The following MAPKAP1 variants were observed in gnomAD, a reference collection of about 807,000 sequenced individuals.
MAPKAP1 encodes the protein target of rapamycin complex 2 subunit MAPKAP1.
A neutral mutation model predicts 65.7 loss-of-function variants in MAPKAP1; 20 were observed. That is an observed-to-expected ratio of 0.30 (90% CI 0.21 to 0.44). The LOEUF is 0.44. Among genes scored for constraint, MAPKAP1 ranks in the 20% least tolerant of loss-of-function variants. The pLI is 1.00. For synonymous variants in MAPKAP1, 222 were observed against 244.3 expected (o/e 0.91, Z 0.85); for missense variants, 423 against 648.0 (o/e 0.65, Z 3.77).
chr9:125,653,669 C>T (rs1833953632), intron 4 of MAPKAP1, among the ~76,000 whole-genome samples: 1 of 152,220 alleles, frequency 6.6e-6, no homozygotes, highest in South Asian at 2.1e-4. Flanking sequence ...GGTTAAGTAG[C>T]TAGACTGAAG....
At chr9:125,546,477 C>T (rs557164242) in intron 6 of MAPKAP1, among the ~76,000 whole-genome samples, 7 of 152,144 alleles carry the variant, frequency 4.6e-5, no homozygotes, top group African/African-American at 7.2e-5. Context: ...TGGTTCTCAG[C>T]CTCCGTCTAG....
intron 7 of MAPKAP1, among the ~76,000 whole-genome samples, chr9:125,517,200 T>TA (rs888374435): frequency 5.9e-5 from 9 of 151,602 alleles, no homozygotes; most frequent in East Asian, 5.8e-4. Flanking sequence ...ATCTTTGGGT[T>TA]AAAAAAAAAG....
At chr9:125,500,578 T>C (rs1225828002) in intron 8 of MAPKAP1, among the ~76,000 whole-genome samples, 2 of 152,142 alleles carry the variant, frequency 1.3e-5, no homozygotes, top group African/African-American at 2.4e-5. Context: ...CTATGATACA[T>C]ACATGCATAT....
intron 3 of MAPKAP1, among the ~76,000 whole-genome samples, chr9:125,666,408 T>C (rs1052174066): frequency 1.3e-5 from 2 of 152,212 alleles, no homozygotes; most frequent in Admixed American, 1.3e-4. Flanking sequence ...AGGGTGGTCA[T>C]CCTGTTTAGA....
intron 8 of MAPKAP1, among the ~76,000 whole-genome samples, chr9:125,491,687 G>A (rs901895238): frequency 2.0e-5 from 3 of 151,796 alleles, no homozygotes; most frequent in South Asian, 2.1e-4. Flanking sequence ...AAGCCGAGGT[G>A]GGAGGATCGC....
intron 7 of MAPKAP1, among the ~76,000 whole-genome samples, chr9:125,525,610 T>G (rs1589257615): frequency 6.7e-6 from 1 of 149,304 alleles, no homozygotes; most frequent in Non-Finnish European, 1.5e-5. Context: ...GAGGCGGAGG[T>G]TGTGGTGAGC....
intron 4 of MAPKAP1, among the ~76,000 whole-genome samples, chr9:125,629,995 G>A (rs756474571): frequency 6.6e-6 from 1 of 152,112 alleles, no homozygotes; most frequent in African/African-American, 2.4e-5. Context: ...CAAACTATGT[G>A]GGGAAGTAGG....
At chr9:125,550,466 A>G (rs1830554223) in intron 6 of MAPKAP1, among the ~76,000 whole-genome samples, 1 of 152,268 alleles carries the variant, frequency 6.6e-6, no homozygotes, top group Admixed American at 6.5e-5. Flanking sequence ...TAATTTTTAG[A>G]TACAAAGTAA....
intron 4 of MAPKAP1, among the ~76,000 whole-genome samples, chr9:125,613,815 T>A (rs917608522): frequency 6.6e-5 from 10 of 151,896 alleles, no homozygotes; most frequent in Non-Finnish European, 1.3e-4. Flanking sequence ...TTTTTTTTTT[T>A]AAGACGGAGT....
intron 4 of MAPKAP1, among the ~76,000 whole-genome samples, chr9:125,639,597 G>A (rs1833520691): frequency 6.6e-6 from 1 of 152,146 alleles, no homozygotes; most frequent in South Asian, 2.1e-4. Flanking sequence ...CAGGGAAGTG[G>A]GGGAGAGAGG....
intron 1 of MAPKAP1, among the ~76,000 whole-genome samples, chr9:125,682,098 C>T (rs1834841231): frequency 6.6e-6 from 1 of 152,126 alleles, no homozygotes; most frequent in South Asian, 2.1e-4. Flanking sequence ...AAATGTTTAT[C>T]TTCAAATACA....
Position 125,439,302 on chromosome 9 carries a change from G to T in MAPKAP1, c.1444-290C>A, listed in dbSNP as rs945253605. ...CGGAGCCCATGCTCCCTCCTGGCGT[G>T]AGCCACTCCCGGAAGGCTGTGCCCT... On this transcript the variant is annotated intron_variant, in intron 11 of 11. Coordinates refer to ENST00000265960, the MANE Select transcript of MAPKAP1 (RefSeq NM_001006617.3). This position sits in a 1 kb window ranked among gnomAD's most constrained non-coding sequence, Gnocchi z 4.0. Among the ~76,000 whole-genome samples, 2 of 152,266 alleles carry T rather than the reference G, an allele frequency of 1.3e-5. No homozygotes were observed. Among genetic ancestry groups the T allele is most frequent in the Non-Finnish European group, 2.9e-5 (2 of 68,042 alleles).
chr9:125,551,889 C>G (rs1205408220), intron 6 of MAPKAP1, among the ~76,000 whole-genome samples: 1 of 152,212 alleles, frequency 6.6e-6, no homozygotes, highest in East Asian at 1.9e-4. Context: ...CTCAAGATCT[C>G]ATTCTCCCTT....
intron 5 of MAPKAP1, among the ~76,000 whole-genome samples, chr9:125,576,384 T>C (rs956198591): frequency 5.9e-5 from 9 of 152,344 alleles, no homozygotes; most frequent in Non-Finnish European, 1.3e-4. Flanking sequence ...AGGATATGTA[T>C]GGGAACTCAC....
intron 8 of MAPKAP1, among the ~76,000 whole-genome samples, chr9:125,486,767 A>G (rs2133042335): frequency 6.6e-6 from 1 of 152,126 alleles, no homozygotes; most frequent in African/African-American, 2.4e-5. Flanking sequence ...CCTCTTGCAC[A>G]TGCTGTCCTC....
rs190014552 is a variant in MAPKAP1, at chr9:125,546,331, G to A, written c.849-3163C>T. Among the ~76,000 whole-genome samples, 7 of 152,274 alleles carry A rather than the reference G, an allele frequency of 4.6e-5. No homozygotes were observed. In the South Asian group the frequency reaches 6.2e-4, roughly 14 times the overall value. On this transcript the variant is annotated intron_variant, in intron 6 of 11. Transcript: ENST00000265960. The stretch of plus-strand genomic sequence containing the variant: ...TTTCCTCAGGTCAGTCCCACGCTCC[G>A]CTCCTTTCCCTCCAGACGAATGCCA...
intron 4 of MAPKAP1, among the ~76,000 whole-genome samples, chr9:125,625,570 G>A (rs940966143): frequency 1.3e-5 from 2 of 152,122 alleles, no homozygotes; most frequent in Admixed American, 6.6e-5. Flanking sequence ...CAAGGCAGGC[G>A]GATCACTTGA....
chr9:125,559,512 A>T, intron 6 of MAPKAP1, 121 bp downstream of exon 6: 1 of 834,420 alleles, frequency 1.2e-6, no homozygotes, highest in Non-Finnish European at 1.9e-6. Context: ...AGTCATCGTT[A>T]TTACCAGTGG....
In MAPKAP1 at chr9:125,439,807, G is replaced by T. The variant is rs1852415933; in HGVS notation, c.1444-795C>A. 6.6e-6 allele frequency among the ~76,000 whole-genome samples: 1 copy of T among 152,262 alleles called. No homozygotes were observed. Among genetic ancestry groups the T allele is most frequent in the Non-Finnish European group, 1.5e-5 (1 of 68,044 alleles). ...AGCGCTGAGACTTGGTCCTGGCCCT[G>T]GGGAGCTTGCTGCCTGGTGAGTGGG... On this transcript the variant is annotated intron_variant, in intron 11 of 11. Transcript: ENST00000265960. The surrounding 1 kb of genome is among the most constrained non-coding windows in gnomAD (Gnocchi z 4.0).
Sources: allele counts gnomAD v4.1 joint callset (sites outside exome capture counted in the v4.1 genomes callset), GRCh38; gene constraint gnomAD v4.1.1; non-coding constraint Gnocchi (gnomAD v3.1); transcripts MANE v1.5; gene names NCBI Gene and HGNC (gene_info 2026-07-23, HGNC 2026-07-21).